ACOX2: variants seen among roughly 807,000 people sequenced by gnomAD.
The protein encoded by ACOX2 is acyl-CoA oxidase 2, also known as peroxisomal acyl-coenzyme A oxidase 2.
ACOX2 carries 59 observed loss-of-function variants against 77.5 expected under a neutral mutation model. That is an observed-to-expected ratio of 0.76 (90% CI 0.62 to 0.95). The LOEUF is 0.95. Among genes scored for constraint, ACOX2 ranks in the 40% least tolerant of loss-of-function variants. The pLI is 0.00. For missense variants in ACOX2, 837 were observed against 880.4 expected, an observed-to-expected ratio of 0.95 and a Z score of 0.62; for synonymous variants, 317 against 340.1, an observed-to-expected ratio of 0.93 and a Z score of 0.75.
At position 58,517,419 on chromosome 3, in the gene ACOX2, T is replaced by C. The variant is rs778287691; in HGVS notation, c.1637A>G (p.His546Arg). ...ACCCTTCACAGTGACATAGTAGCAGTGCACCTACAAAGACACAAAGATATG... is the reference window on the plus strand; with the variant it reads ...ACCCTTCACAGTGACATAGTAGCAGCGCACCTACAAAGACACAAAGATATG... ...TVIHLQAAKV[H>R]CYYVTVKGFT... Residue 546 changes from histidine to arginine, a missense_variant, in exon 13 of 15, where the codon CAC (histidine) becomes CGC (arginine). By Grantham distance (29) the His-to-Arg change is conservative (BLOSUM62 0). Coordinates refer to ENST00000302819, the MANE Select transcript of ACOX2 (RefSeq NM_003500.4). 13 of 1,613,892 alleles carry C rather than the reference T, an allele frequency of 8.1e-6. No individual in the cohort carries two copies. The South Asian group carries it at 1.2e-4, about 15-fold the overall frequency.
chr3:58,510,242 A>G (rs1162585327), intron 13 of ACOX2, among the ~76,000 whole-genome samples: 1 of 152,148 alleles, frequency 6.6e-6, no homozygotes, highest in Admixed American at 6.5e-5. Context: ...CCAACATCAT[A>G]TGAGCCCTAC....
At position 58,534,983 on chromosome 3, in the gene ACOX2, C is replaced by T. The variant is rs762336532; in HGVS notation, c.124G>A (p.Gly42Arg). ...CGGAGTGCAGTGTTCTGGGCACCTC[C>T]ATCAAGGATGTTGGTGAGCCGTTCC... ...DVERLTNILD[G>R]GAQNTALRRK... Residue 42 changes from glycine to arginine, a missense_variant, in exon 2 of 15, where the codon GGA (glycine) becomes AGA (arginine). Coordinates refer to ENST00000302819, the MANE Select transcript of ACOX2 (RefSeq NM_003500.4). The surrounding 1 kb of genome is among the most constrained non-coding windows in gnomAD (Gnocchi z 4.8). 6.2e-7 allele frequency: 1 copy of T among 1,614,242 alleles called. No individual in the cohort carries two copies. The highest frequency in any genetic ancestry group is 8.5e-7 in the Non-Finnish European group (1 of 1,180,036).
In ACOX2 at chr3:58,534,381, C is replaced by T. The variant is rs769058000; in HGVS notation, c.302G>A (p.Arg101His). The T allele has an allele frequency of 2.0e-5, 33 of 1,614,086 alleles. 1 individual carries two copies. Among genetic ancestry groups the T allele is most frequent in the South Asian group, 9.9e-5 (9 of 91,090 alleles). Residue 101 changes from arginine (R) to histidine (H), a missense_variant, in exon 3 of 15, where the codon CGT (arginine) becomes CAT (histidine). Arg to His is a conservative substitution (Grantham distance 29, BLOSUM62 0). Transcript: ENST00000302819. The surrounding 1 kb of genome is among the most constrained non-coding windows in gnomAD (Gnocchi z 4.8). ...ARRLGWLEDG[R>H]ELGYAYRALS... is the part of the protein sequence containing the mutation. Reference sequence around the variant, plus strand: ...GCACCTGTAAGCGTAGCCTAATTCACGACCATCTTCTAACCAACCCAGGCG... The same window carrying T: ...GCACCTGTAAGCGTAGCCTAATTCATGACCATCTTCTAACCAACCCAGGCG...
At chr3:58,527,395 G>A (rs903829713) in intron 9 of ACOX2, among the ~76,000 whole-genome samples, 5 of 152,068 alleles carry the variant, frequency 3.3e-5, no homozygotes, top group African/African-American at 1.2e-4. Flanking sequence ...AATTAGCTGG[G>A]CGTGGTGGCG....
chr3:58,508,642 C>T (rs2063251832), intron 14 of ACOX2, among the ~76,000 whole-genome samples: 1 of 152,168 alleles, frequency 6.6e-6, no homozygotes, highest in Non-Finnish European at 1.5e-5. Context: ...CTTGGGCCTT[C>T]CTCTTAATTC....
rs138481371 is a variant in ACOX2 at position 58,512,933 on chromosome 3, C to T, written c.1851-3908G>A. Among the ~76,000 whole-genome samples the T allele has an allele frequency of 3.3e-4, 51 of 152,332 alleles. No individual in the cohort carries two copies. The highest frequency in any genetic ancestry group is 1.0e-3 in the South Asian group (5 of 4,828). ...GATGTTCACATGATGACAGACTCAC[C>T]TGAAGACACATTTCTCAGAACGGAT... On this transcript the variant is annotated intron_variant, in intron 13 of 14. Transcript: ENST00000302819. The surrounding 1 kb of genome is among the most constrained non-coding windows in gnomAD (Gnocchi z 4.8).
At chr3:58,518,236 C>A (rs1412449801) in intron 12 of ACOX2, among the ~76,000 whole-genome samples, 1 of 152,136 alleles carries the variant, frequency 6.6e-6, no homozygotes, top group Non-Finnish European at 1.5e-5. Flanking sequence ...AGAGTATAAA[C>A]TCCTTAAGGT....
chr3:58,516,264 T>G (rs2063321359), intron 13 of ACOX2, among the ~76,000 whole-genome samples: 1 of 152,214 alleles, frequency 6.6e-6, no homozygotes, highest in Non-Finnish European at 1.5e-5. Flanking sequence ...AAGAATTTGC[T>G]TAAGCACATT....
rs754945523 is a variant in ACOX2, at chr3:58,508,942, A to T, written c.1934T>A (p.Val645Asp). The change falls in exon 14 of 15, where the codon GTC (valine) becomes GAC (aspartate). Residue 645 changes from valine to aspartate, a missense_variant. By Grantham distance (152) the Val-to-Asp change is radical (BLOSUM62 -3). Transcript: ENST00000302819. ...AGCCCACTGGAACAGGCGTTCGTAGACGTTTCCATCATAACAGCCAAGTGC... is the reference window on the plus strand; with the variant it reads ...AGCCCACTGGAACAGGCGTTCGTAGTCGTTTCCATCATAACAGCCAAGTGC... ...NSALGCYDGN[V>D]YERLFQWAQK... 1 of 1,614,212 alleles carries T rather than the reference A, an allele frequency of 6.2e-7. No homozygotes were observed. The highest frequency in any genetic ancestry group is 8.5e-7 in the Non-Finnish European group (1 of 1,180,022).
chr3:58,534,511 G>A lies in ACOX2; in HGVS notation c.172C>T (p.His58Tyr), dbSNP rs147361432. 3.7e-6 allele frequency: 6 copies of A among 1,614,192 alleles called. No individual in the cohort carries two copies. The highest frequency in any genetic ancestry group is 5.1e-6 in the Non-Finnish European group (6 of 1,180,026). The change falls in exon 3 of 15, where the codon CAC becomes TAC. Residue 58 changes from histidine (H) to tyrosine (Y), a missense_variant. By Grantham distance (83) the His-to-Tyr change is moderately conservative. Transcript: ENST00000302819. The surrounding 1 kb of genome is among the most constrained non-coding windows in gnomAD (Gnocchi z 4.8). ...ALRRKVESII[H>Y]SYPEFSCKDN... The stretch of plus-strand genomic sequence containing the variant: ...TTACAGCTAAACTCCGGGTAACTGT[G>A]GATGATGCTCTCTGCAGAGGACAGA...
chr3:58,531,953 GC>G lies in ACOX2; in HGVS notation c.584-142del. The G allele has an allele frequency of 7.6e-7, 1 of 1,310,152 alleles. No individual in the cohort carries two copies. Among genetic ancestry groups the G allele is most frequent in the Non-Finnish European group, 1.0e-6 (1 of 998,464 alleles). The allele number at this position is 1,310,152 out of a possible 1,614,324, so 81.2% of individuals were successfully genotyped here. On this transcript the variant is annotated intron_variant, in intron 5 of 14. Coordinates refer to ENST00000302819, the MANE Select transcript of ACOX2 (RefSeq NM_003500.4). This position sits in a 1 kb window ranked among gnomAD's most constrained non-coding sequence, Gnocchi z 5.8. ...TCACTGATCAAAGAGAGAGGGGATTGCCCCCAAAGAACCAAGCAAACCTAGC... is the reference window on the plus strand; with the variant it reads ...TCACTGATCAAAGAGAGAGGGGATTGCCCCAAAGAACCAAGCAAACCTAGC...
chr3:58,531,205 C>A lies in ACOX2; in HGVS notation c.819+46G>T. The A allele has an allele frequency of 6.4e-7, 1 of 1,566,300 alleles. No individual in the cohort carries two copies. Among genetic ancestry groups the A allele is most frequent in the South Asian group, 1.1e-5 (1 of 87,966 alleles). On this transcript the variant is annotated intron_variant, in intron 7 of 14. Transcript: ENST00000302819. The surrounding 1 kb of genome is among the most constrained non-coding windows in gnomAD (Gnocchi z 5.8). The stretch of plus-strand genomic sequence containing the variant: ...GGCCCAGCCTGCACAAAGCGCAGGT[C>A]CCCTCTCCAGGAAGTACAAGTCCCC...
Position 58,517,258 on chromosome 3 carries a change from C to T in ACOX2, c.1798G>A (p.Ala600Thr). The change falls in exon 13 of 15, where the codon GCC (alanine) becomes ACC (threonine). Residue 600 changes from alanine (A) to threonine (T), a missense_variant. By Grantham distance (58) the Ala-to-Thr change is moderately conservative. Transcript: ENST00000302819. ...GCTGTTCTTGCCATGTCCACTTGGG[C>T]ACCAGACAGGAAGGCGTCATGGAGA... Reference protein sequence around the residue: ...DFLHDAFLSGAQVDMARTAYL... With the variant: ...DFLHDAFLSGTQVDMARTAYL... The T allele has an allele frequency of 1.2e-6, 2 of 1,614,132 alleles. No homozygotes were observed. Among genetic ancestry groups the T allele is most frequent in the Non-Finnish European group, 1.7e-6 (2 of 1,180,028 alleles).
Position 58,534,782 on chromosome 3 carries a change from T to C in ACOX2, c.160+165A>G. 1 of 1,379,514 alleles carries C rather than the reference T, an allele frequency of 7.2e-7. No homozygotes were observed. The highest frequency in any genetic ancestry group is 1.0e-6 in the Non-Finnish European group (1 of 988,872). 85.5% of individuals were successfully genotyped at this position (1,379,514 alleles called of 1,614,324 possible). On this transcript the variant is annotated intron_variant, in intron 2 of 14. Coordinates refer to ENST00000302819, the MANE Select transcript of ACOX2 (RefSeq NM_003500.4). The surrounding 1 kb of genome is among the most constrained non-coding windows in gnomAD (Gnocchi z 4.8). The stretch of plus-strand genomic sequence containing the variant: ...ATCCCCTAGGTGGGCTCAGGCAATA[T>C]TGACATGTGAAGATTGTCTTTACAG...
Position 58,525,059 on chromosome 3 carries a change from G to C in ACOX2, c.1347-454C>G, listed in dbSNP as rs964676633. ...ATAATCCAGTGGTTACAGGTTCTGG[G>C]CTTAGACAGCCCTGGATTCCCATAC... On this transcript the variant is annotated intron_variant, in intron 10 of 14. Coordinates refer to ENST00000302819, the MANE Select transcript of ACOX2 (RefSeq NM_003500.4). This position sits in a 1 kb window ranked among gnomAD's most constrained non-coding sequence, Gnocchi z 5.0. Among the ~76,000 whole-genome samples, 1 of 152,148 alleles carries C rather than the reference G, an allele frequency of 6.6e-6. No homozygotes were observed. Among genetic ancestry groups the C allele is most frequent in the African/African-American group, 2.4e-5 (1 of 41,424 alleles).
intron 9 of ACOX2, among the ~76,000 whole-genome samples, chr3:58,527,931 T>C (rs1339010192): frequency 6.6e-6 from 1 of 151,464 alleles, no homozygotes; most frequent in Non-Finnish European, 1.5e-5. Context: ...TGTCTTGAAC[T>C]CCTGGGCTCA....
intron 12 of ACOX2, among the ~76,000 whole-genome samples, chr3:58,518,075 C>CAAAAA (rs763535906): frequency 0.056 from 2,573 of 45,742 alleles, 1 homozygote; most frequent in Middle Eastern, 0.12. Flanking sequence ...AACTCCATCT[C>CAAAAA]AAAAAAAAAA....
In ACOX2 at chr3:58,535,026, A is replaced by G. The variant is rs1326847295; in HGVS notation, c.81T>C (p.Tyr27=). Reference sequence around the variant, plus strand: ...GCCGTTCCACGTCAAAGGACTGCATATACCTCTCGCTCTCTATGTCGGGGT... The same window carrying G: ...GCCGTTCCACGTCAAAGGACTGCATGTACCTCTCGCTCTCTATGTCGGGGT... The part of the protein sequence containing the change: ...QMHPDIESER[Y]MQSFDVERLT... The change falls in exon 2 of 15, where the codon TAT becomes TAC. Residue 27 remains tyrosine, a synonymous_variant. Coordinates refer to ENST00000302819, the MANE Select transcript of ACOX2 (RefSeq NM_003500.4). The surrounding 1 kb of genome is among the most constrained non-coding windows in gnomAD (Gnocchi z 4.8). The G allele has an allele frequency of 6.2e-7, 1 of 1,614,106 alleles. No homozygotes were observed. The highest frequency in any genetic ancestry group is 8.5e-7 in the Non-Finnish European group (1 of 1,180,046).
chr3:58,505,353 C>T lies in ACOX2; in HGVS notation c.1984-67G>A, dbSNP rs2063226819. On this transcript the variant is annotated intron_variant, in intron 14 of 14. Transcript: ENST00000302819. This position sits in a 1 kb window ranked among gnomAD's most constrained non-coding sequence, Gnocchi z 4.4. ...TGCCAGGATTAATGACTTTCACTTT[C>T]AAATTAAGTCTCTAGCTTCAAAAAG... The T allele has an allele frequency of 7.1e-6, 9 of 1,274,712 alleles. No individual in the cohort carries two copies. The highest frequency in any genetic ancestry group is 9.9e-6 in the Non-Finnish European group (9 of 913,376). 79.0% of individuals were successfully genotyped at this position (1,274,712 alleles called of 1,614,324 possible).
Sources: gnomAD v4.1 joint callset for allele counts (sites outside exome capture counted in the v4.1 genomes callset) on GRCh38, gnomAD v4.1.1 for gene constraint, Gnocchi (gnomAD v3.1) non-coding constraint, MANE v1.5 for transcripts, NCBI Gene and HGNC (gene_info 2026-07-23, HGNC 2026-07-21) for gene names.